APBA1: variants seen among roughly 807,000 people sequenced by gnomAD.
The protein encoded by APBA1 is amyloid beta precursor protein binding family A member 1, also known as amyloid-beta A4 precursor protein-binding family A member 1.
APBA1 carries 55 observed loss-of-function variants against 86.6 expected under a neutral mutation model. That is an observed-to-expected ratio of 0.64 (90% CI 0.51 to 0.80). The LOEUF is 0.80. Ranked by LOEUF, APBA1 falls within the 30% of genes least tolerant of loss-of-function variation. The probability of loss-of-function intolerance (pLI) is 0.00; values close to 1 mark genes in which losing one functional copy is unlikely to be tolerated. For synonymous variants in APBA1, 511 were observed against 493.9 expected (o/e 1.03, Z -0.46); for missense variants, 1,090 against 1,183.0 (o/e 0.92, Z 1.15).
intron 1 of APBA1, among the ~76,000 whole-genome samples, chr9:69,620,349 G>T (rs189588943): frequency 6.6e-6 from 1 of 152,354 alleles, no homozygotes; most frequent in Non-Finnish European, 1.5e-5. Flanking sequence ...CAGCATGCCA[G>T]TGAGGTTGAG....
At chr9:69,499,816 A>G (rs1156382313) in intron 2 of APBA1, among the ~76,000 whole-genome samples, 3 of 152,042 alleles carry the variant, frequency 2.0e-5, no homozygotes, top group African/African-American at 7.2e-5. Flanking sequence ...AAGTGGATGT[A>G]AAAGTACACA....
At chr9:69,564,253 C>T (rs1378194643) in intron 1 of APBA1, among the ~76,000 whole-genome samples, 1 of 152,168 alleles carries the variant, frequency 6.6e-6, no homozygotes, top group Non-Finnish European at 1.5e-5. Flanking sequence ...AACCCAGTGA[C>T]AACTGTAATG....
chr9:69,532,922 T>C (rs1037770914), intron 1 of APBA1, among the ~76,000 whole-genome samples: 1 of 152,252 alleles, frequency 6.6e-6, no homozygotes, highest in Non-Finnish European at 1.5e-5. Flanking sequence ...ATACTCATAC[T>C]TCATACATAA....
chr9:69,577,591 C>T (rs1003333784), intron 1 of APBA1, among the ~76,000 whole-genome samples: 5 of 152,078 alleles, frequency 3.3e-5, no homozygotes, highest in Admixed American at 2.6e-4. Flanking sequence ...GGTGGGTCAG[C>T]TGTGAGTGAA....
intron 1 of APBA1, among the ~76,000 whole-genome samples, chr9:69,640,704 C>T (rs12376278): frequency 0.22 from 34,065 of 151,848 alleles, 4,138 homozygotes; most frequent in African/African-American, 0.29. Context: ...CATCTCAATA[C>T]GTTCAGAAAA....
intron 1 of APBA1, among the ~76,000 whole-genome samples, chr9:69,580,182 C>T (rs564730968): frequency 4.6e-5 from 7 of 152,242 alleles, no homozygotes; most frequent in African/African-American, 1.4e-4. Flanking sequence ...GCTTGCCAAA[C>T]GTTATTGATT....
chr9:69,497,779 C>A (rs1381914474), intron 2 of APBA1, among the ~76,000 whole-genome samples: 2 of 152,150 alleles, frequency 1.3e-5, no homozygotes, highest in South Asian at 4.1e-4. Context: ...CTCTCACACA[C>A]CTTCCCTTTT....
At chr9:69,488,169 T>G (rs1835641979) in intron 2 of APBA1, among the ~76,000 whole-genome samples, 1 of 152,062 alleles carries the variant, frequency 6.6e-6, no homozygotes, top group Non-Finnish European at 1.5e-5. Context: ...ATGACAGGAA[T>G]ATCAAATAAT....
At chr9:69,537,784 TG>T (rs1836536880) in intron 1 of APBA1, among the ~76,000 whole-genome samples, 2 of 152,068 alleles carry the variant, frequency 1.3e-5, no homozygotes, top group Admixed American at 1.3e-4. Context: ...TCTACTGAGT[TG>T]TTTTTTTTTT....
At chr9:69,626,994 A>G (rs1822946959) in intron 1 of APBA1, among the ~76,000 whole-genome samples, 1 of 152,090 alleles carries the variant, frequency 6.6e-6, no homozygotes, top group Non-Finnish European at 1.5e-5. Context: ...TTTGGCTGTC[A>G]ATGCTTAAAA....
intron 1 of APBA1, among the ~76,000 whole-genome samples, chr9:69,597,827 CT>C (rs1822261833): frequency 6.6e-6 from 1 of 152,204 alleles, no homozygotes; most frequent in Non-Finnish European, 1.5e-5. Context: ...CACTTTTACA[CT>C]GTTGGTGGGA....
rs537133488 is a variant in APBA1, at chr9:69,651,106, G to A, written c.-70+21047C>T. Among the ~76,000 whole-genome samples the A allele has an allele frequency of 1.2e-3, 187 of 152,276 alleles. No homozygotes were observed. The Middle Eastern group carries it at 0.014, about 11-fold the overall frequency. On this transcript the variant is annotated intron_variant, in intron 1 of 12. Coordinates refer to ENST00000265381, the MANE Select transcript of APBA1 (RefSeq NM_001163.4). ...ATGAGAATGAACAAACTACTGATAC[G>A]TGTAATAACATGTATGTATCTTACA...
intron 11 of APBA1, among the ~76,000 whole-genome samples, chr9:69,434,935 T>TCCCTCCC (rs1306054088): frequency 8.8e-6 from 1 of 113,090 alleles, no homozygotes; most frequent in African/African-American, 3.4e-5. Context: ...CCTAATGCTA[T>TCCCTCCC]CCCTCCCCCC....
At chr9:69,590,896 T>C (rs1822115865) in intron 1 of APBA1, among the ~76,000 whole-genome samples, 1 of 152,210 alleles carries the variant, frequency 6.6e-6, no homozygotes, top group Non-Finnish European at 1.5e-5. Flanking sequence ...GGTTCCAAAC[T>C]CAACTTGAAA....
intron 1 of APBA1, among the ~76,000 whole-genome samples, chr9:69,540,157 A>AACAACAACAACAAC (rs773579721): frequency 6.8e-6 from 1 of 147,638 alleles, no homozygotes; most frequent in African/African-American, 2.7e-5. Flanking sequence ...CAACAACAAC[A>AACAACAACAACAAC]AAAGTCACCT....
chr9:69,633,573 A>T (rs1823094421), intron 1 of APBA1, among the ~76,000 whole-genome samples: 2 of 152,144 alleles, frequency 1.3e-5, no homozygotes, highest in Admixed American at 1.3e-4. Flanking sequence ...GGTAAATGTT[A>T]TTTCCTCTGA....
intron 4 of APBA1, among the ~76,000 whole-genome samples, chr9:69,469,248 T>C (rs1835328659): frequency 6.6e-6 from 1 of 152,198 alleles, no homozygotes; most frequent in South Asian, 2.1e-4. Flanking sequence ...GGTCTTAAAT[T>C]AGGTAACTTG....
At position 69,516,044 on chromosome 9, in the gene APBA1, C is replaced by T; in HGVS notation, c.1167G>A (p.Arg389=). 6.3e-7 allele frequency: 1 copy of T among 1,597,766 alleles called. No individual in the cohort carries two copies. Among genetic ancestry groups the T allele is most frequent in the Non-Finnish European group, 8.5e-7 (1 of 1,170,590 alleles). Residue 389 remains arginine (R), a synonymous_variant, in exon 2 of 13, where the codon AGG becomes AGA. Transcript: ENST00000265381. The surrounding 1 kb of genome is among the most constrained non-coding windows in gnomAD (Gnocchi z 7.3). The stretch of plus-strand genomic sequence containing the variant: ...CCATCGGCCTCTGGTCGTCACAGTC[C>T]CTGGTGGGGCTAATGTCCTGGCGCA... ...WVMRQDISPT[R]DCDDQRPMDG...
chr9:69,604,409 T>C (rs1588389412), intron 1 of APBA1, among the ~76,000 whole-genome samples: 1 of 130,788 alleles, frequency 7.6e-6, no homozygotes, highest in Non-Finnish European at 1.6e-5. Context: ...GAGAGGCACA[T>C]GAGTGTGGGC....
Sources: allele counts gnomAD v4.1 joint callset (sites outside exome capture counted in the v4.1 genomes callset), GRCh38; gene constraint gnomAD v4.1.1; non-coding constraint Gnocchi (gnomAD v3.1); transcripts MANE v1.5; gene names NCBI Gene and HGNC (gene_info 2026-07-23, HGNC 2026-07-21).